THSD1: variants seen among roughly 807,000 people sequenced by gnomAD.
THSD1 encodes the protein thrombospondin type-1 domain-containing protein 1.
THSD1 carries 34 observed loss-of-function variants against 46.3 expected under a neutral mutation model. The observed-to-expected ratio is 0.74, with a 90% CI of 0.56 to 0.98. THSD1 has a LOEUF of 0.98. Among genes scored for constraint, THSD1 ranks in the 50% least tolerant of loss-of-function variants. The pLI, the probability that THSD1 is intolerant of heterozygous loss-of-function variation, is 0.00. For missense variants in THSD1, 1,023 were observed against 1,058.3 expected (o/e 0.97, Z 0.46); for synonymous variants, 407 against 416.5 (o/e 0.98, Z 0.28).
intron 3 of THSD1, among the ~76,000 whole-genome samples, chr13:52,391,132 T>C (rs1282657037): frequency 1.3e-5 from 2 of 152,204 alleles, no homozygotes; most frequent in South Asian, 2.1e-4. Context: ...GAGTGTTTTA[T>C]GCAGAGTATG....
In THSD1 at chr13:52,398,030, T is replaced by C. The variant is rs1478668029; in HGVS notation, c.223A>G (p.Lys75Glu). Residue 75 changes from lysine to glutamate, a missense_variant, in exon 3 of 5, where the codon AAG (lysine) becomes GAG (glutamate). Around this residue, in one of 3 missense-constraint regions of THSD1, gnomAD observed 429 missense variants for 518.3 expected, o/e 0.83. Coordinates refer to ENST00000258613, the MANE Select transcript of THSD1 (RefSeq NM_018676.4). The part of the protein sequence containing the change: ...EANTNQTVTT[K>E]YLLTNQSQGT... ...TGGGACTGGTTGGTCAGGAGGTACT[T>C]GGTAGTTACAGTCTGATTGGTGTTG... 1 of 1,614,094 alleles carries C rather than the reference T, an allele frequency of 6.2e-7. No individual in the cohort carries two copies. The highest frequency in any genetic ancestry group is 1.3e-5 in the African/African-American group (1 of 74,926).
chr13:52,378,236 T>C lies in THSD1; in HGVS notation c.1734A>G (p.Glu578=). The C allele has an allele frequency of 6.2e-7, 1 of 1,614,234 alleles. No individual in the cohort carries two copies. Among genetic ancestry groups the C allele is most frequent in the Non-Finnish European group, 8.5e-7 (1 of 1,180,052 alleles). ...TCCGGAACTTGTTTGCTGCAGCTTCTTCCGGGCTTTCCAAATCTAAGGGAG... is the reference window on the plus strand; with the variant it reads ...TCCGGAACTTGTTTGCTGCAGCTTCCTCCGGGCTTTCCAAATCTAAGGGAG... The part of the protein sequence containing the change: ...PSAPLDLESP[E]EAAANKFRIK... Residue 578 remains glutamate, a synonymous_variant, in exon 5 of 5, where the codon GAA becomes GAG. Transcript: ENST00000258613.
chr13:52,389,764 T>C (rs1015864987), intron 3 of THSD1, among the ~76,000 whole-genome samples: 1 of 152,098 alleles, frequency 6.6e-6, no homozygotes, highest in Admixed American at 6.5e-5. Flanking sequence ...CTCCCAGCCA[T>C]TATTGATTGA....
At chr13:52,402,955 C>A (rs1325371106) in intron 1 of THSD1, 1 of 985,214 alleles carries the variant, frequency 1.0e-6, no homozygotes, top group Non-Finnish European at 1.2e-6. Context: ...TACAGCACAT[C>A]CTGACGTGGA....
rs1957639833 is a variant in THSD1, at chr13:52,377,268, T to C, written c.*143A>G. On this transcript the variant is annotated 3_prime_UTR_variant, in exon 5 of 5. Transcript: ENST00000258613. Reference sequence around the variant, plus strand: ...AGATAAATAATTTCTTCCTTGTGAATTCAAACACATGCATACACACACATC... The same window carrying C: ...AGATAAATAATTTCTTCCTTGTGAACTCAAACACATGCATACACACACATC... 3 of 1,311,924 alleles carry C rather than the reference T, an allele frequency of 2.3e-6. No homozygotes were observed. The South Asian group carries it at 9.2e-5, about 40-fold the overall frequency. 81.3% of individuals were successfully genotyped at this position (1,311,924 alleles called of 1,614,324 possible).
At chr13:52,390,483 G>T (rs1032076128) in intron 3 of THSD1, among the ~76,000 whole-genome samples, 1 of 152,156 alleles carries the variant, frequency 6.6e-6, no homozygotes, top group South Asian at 2.1e-4. Context: ...TGCTAATTAT[G>T]TTCCATCTAG....
At chr13:52,392,153 C>T (rs562351568) in intron 3 of THSD1, among the ~76,000 whole-genome samples, 52 of 139,938 alleles carry the variant, frequency 3.7e-4, no homozygotes, top group African/African-American at 1.3e-3. Flanking sequence ...GATCGCGCCA[C>T]TGCGCTCCAG....
chr13:52,378,098 CAG>C lies in THSD1; in HGVS notation c.1870_1871del (p.Leu624AspfsTer34). On this transcript the variant is annotated frameshift_variant, in exon 5 of 5. Coordinates refer to ENST00000258613, the MANE Select transcript of THSD1 (RefSeq NM_018676.4). LOFTEE classifies it high-confidence loss of function. ...ASCAISPSQT[L>X]IRKSQARHVG... ...CGTGCCTTGCCTGTGACTTGCGGATCAGAGTCTGGCTGGGGCTTATGGCACAA... is the reference window on the plus strand; with the variant it reads ...CGTGCCTTGCCTGTGACTTGCGGATCAGTCTGGCTGGGGCTTATGGCACAA... The C allele has an allele frequency of 6.2e-7, 1 of 1,614,216 alleles. No homozygotes were observed. The highest frequency in any genetic ancestry group is 8.5e-7 in the Non-Finnish European group (1 of 1,180,046).
chr13:52,403,465 G>C lies in THSD1; in HGVS notation c.-81-784C>G, dbSNP rs528401723. ...TGGCCTGTGGTTCAGTTATTTGTTG[G>C]AAGAAGCACTTATTTTATTTTATTT... On this transcript the variant is annotated intron_variant, in intron 1 of 4. Transcript: ENST00000258613. 2.0e-5 allele frequency among the ~76,000 whole-genome samples: 3 copies of C among 152,166 alleles called. No homozygotes were observed. The East Asian group carries it at 5.8e-4, about 29-fold the overall frequency.
At position 52,377,462 on chromosome 13, in the gene THSD1, A is replaced by G; in HGVS notation, c.2508T>C (p.Asn836=). The stretch of plus-strand genomic sequence containing the variant: ...GTGTACTTGTGGTTTCATCCTCTTC[A>G]TTTGACCCAAAATATCCTGGGAGGT... ...MLDLPGYFGS[N]EEDETTSTLS... is the part of the protein sequence containing the mutation. The change falls in exon 5 of 5, where the codon AAT becomes AAC. Residue 836 remains asparagine, a synonymous_variant. Coordinates refer to ENST00000258613, the MANE Select transcript of THSD1 (RefSeq NM_018676.4). 1 of 1,543,806 alleles carries G rather than the reference A, an allele frequency of 6.5e-7. No individual in the cohort carries two copies. The highest frequency in any genetic ancestry group is 8.8e-7 in the Non-Finnish European group (1 of 1,141,422).
chr13:52,381,973 A>G (rs756446396), intron 4 of THSD1, among the ~76,000 whole-genome samples: 1 of 152,240 alleles, frequency 6.6e-6, no homozygotes, highest in South Asian at 2.1e-4. Flanking sequence ...TCAAATTCAA[A>G]GGAGTTCGTT....
intron 4 of THSD1, among the ~76,000 whole-genome samples, chr13:52,384,976 CTGGAA>C (rs1482916719): frequency 1.3e-5 from 2 of 151,680 alleles, no homozygotes; most frequent in Non-Finnish European, 2.9e-5. Context: ...CCTAAAAATG[CTGGAA>C]TGAAGGGAAC....
At chr13:52,404,031 T>A (rs1299934481) in intron 1 of THSD1, among the ~76,000 whole-genome samples, 11 of 128,402 alleles carry the variant, frequency 8.6e-5, no homozygotes. Flanking sequence ...CACTGCAACC[T>A]CCACCTCCCA....
chr13:52,382,026 T>C (rs1011562022), intron 4 of THSD1, among the ~76,000 whole-genome samples: 3 of 152,172 alleles, frequency 2.0e-5, no homozygotes, highest in Non-Finnish European at 2.9e-5. Flanking sequence ...CAACTCTCTC[T>C]CTCCCTTTTG....
chr13:52,377,257 T>C lies in THSD1; in HGVS notation c.*154A>G. On this transcript the variant is annotated 3_prime_UTR_variant, in exon 5 of 5. Coordinates refer to ENST00000258613, the MANE Select transcript of THSD1 (RefSeq NM_018676.4). ...GAAAAAGCTCAAGATAAATAATTTC[T>C]TCCTTGTGAATTCAAACACATGCAT... 2 of 1,312,382 alleles carry C rather than the reference T, an allele frequency of 1.5e-6. No homozygotes were observed. The allele number at this position is 1,312,382 out of a possible 1,614,324, so 81.3% of individuals were successfully genotyped here. A position where few individuals can be genotyped will look rare whatever the true frequency, so the allele number is the denominator to read the frequency against.
Position 52,378,044 on chromosome 13 carries a change from C to T in THSD1, c.1926G>A (p.Arg642=). 6.2e-7 allele frequency: 1 copy of T among 1,614,172 alleles called. No homozygotes were observed. The highest frequency in any genetic ancestry group is 8.5e-7 in the Non-Finnish European group (1 of 1,180,032). The part of the protein sequence containing the change: ...HVGSRGGPSE[R]SHARNAHFRR... ...TGAAATGGGCGTTCCTGGCATGGCT[C>T]CTTTCGGACGGGCCCCCTCTGCTGC... The change falls in exon 5 of 5, where the codon AGG becomes AGA. Residue 642 remains arginine (R), a synonymous_variant. Coordinates refer to ENST00000258613, the MANE Select transcript of THSD1 (RefSeq NM_018676.4).
chr13:52,381,459 G>GC (rs1594096712), intron 4 of THSD1, among the ~76,000 whole-genome samples: 2 of 152,184 alleles, frequency 1.3e-5, no homozygotes, highest in African/African-American at 4.8e-5. Flanking sequence ...ACTTTCTTAA[G>GC]CCCCCTATCC....
intron 3 of THSD1, among the ~76,000 whole-genome samples, chr13:52,390,483 G>A (rs1032076128): frequency 6.6e-6 from 1 of 152,156 alleles, no homozygotes; most frequent in Non-Finnish European, 1.5e-5. Context: ...TGCTAATTAT[G>A]TTCCATCTAG....
intron 1 of THSD1, among the ~76,000 whole-genome samples, chr13:52,404,579 A>G (rs1380604026): frequency 6.6e-6 from 1 of 152,220 alleles, no homozygotes; most frequent in African/African-American, 2.4e-5. Flanking sequence ...ACTTGACCCA[A>G]TTCTTTCCTC....
Sources: gnomAD v4.1 joint callset for allele counts (sites outside exome capture counted in the v4.1 genomes callset) on GRCh38, gnomAD v4.1.1 for gene constraint, gnomAD v4.1.1 regional missense constraint, MANE v1.5 for transcripts, NCBI Gene and HGNC (gene_info 2026-07-23, HGNC 2026-07-21) for gene names.